The following ADSS2 variants were observed in gnomAD, a reference collection of about 807,000 sequenced individuals.
ADSS2 encodes the protein adenylosuccinate synthase 2.
ADSS2 carries 30 observed loss-of-function variants against 60.0 expected under a neutral mutation model. That is an observed-to-expected ratio of 0.50 (90% confidence interval 0.37 to 0.68). ADSS2 has a LOEUF of 0.68. ADSS2 is among the 30% of genes least tolerant of loss of function. The pLI is 0.00. For missense variants in ADSS2, 373 were observed against 554.8 expected, an observed-to-expected ratio of 0.67 and a Z score of 3.29; for synonymous variants, 187 against 193.1, an observed-to-expected ratio of 0.97 and a Z score of 0.26.
chr1:244,441,484 A>C (rs934324792), intron 1 of ADSS2, among the ~76,000 whole-genome samples: 5 of 152,198 alleles, frequency 3.3e-5, no homozygotes, highest in African/African-American at 1.2e-4. Flanking sequence ...TTTTGAGACA[A>C]CAAATAAGGT....
At chr1:244,421,660 T>A (rs147461267) in intron 7 of ADSS2, among the ~76,000 whole-genome samples, 46 of 152,328 alleles carry the variant, frequency 3.0e-4, no homozygotes, top group African/African-American at 9.4e-4. Context: ...TACTTCCAAG[T>A]TGCTAGTCAA....
chr1:244,412,487 T>G (rs377598255), intron 11 of ADSS2, among the ~76,000 whole-genome samples: 1 of 151,896 alleles, frequency 6.6e-6, no homozygotes, highest in African/African-American at 2.4e-5. Flanking sequence ...GTACATAGAG[T>G]ATGGATAGCC....
chr1:244,427,852 T>C (rs766674077), intron 4 of ADSS2, among the ~76,000 whole-genome samples: 3 of 152,192 alleles, frequency 2.0e-5, no homozygotes, highest in Non-Finnish European at 2.9e-5. Context: ...CAGGGAAACC[T>C]GTTGATCATA....
At chr1:244,434,890 G>T (rs1048791305) in intron 3 of ADSS2, among the ~76,000 whole-genome samples, 1 of 152,018 alleles carries the variant, frequency 6.6e-6, no homozygotes, top group East Asian at 1.9e-4. Flanking sequence ...TGAACAGGGC[G>T]GGGCGCGGTG....
intron 4 of ADSS2, among the ~76,000 whole-genome samples, chr1:244,425,296 G>A (rs992539729): frequency 1.3e-5 from 2 of 152,062 alleles, no homozygotes; most frequent in Admixed American, 1.3e-4. Context: ...AGCTTTATGG[G>A]AATATAATTT....
intron 12 of ADSS2, 106 bp downstream of exon 12, chr1:244,411,181 A>G (rs1664404785): frequency 1.7e-6 from 2 of 1,172,390 alleles, no homozygotes; most frequent in African/African-American, 3.1e-5. Flanking sequence ...AGATCCCGCC[A>G]CTGCACTCCA....
chr1:244,425,062 C>T (rs1308587595), intron 4 of ADSS2: 1 of 152,386 alleles, frequency 6.6e-6, no homozygotes, highest in East Asian at 1.9e-4. Flanking sequence ...TGAAATATTG[C>T]CTCTTTCTAC....
chr1:244,436,685 T>G lies in ADSS2; in HGVS notation c.355+140A>C. Reference sequence around the variant, plus strand: ...AAACACTGTTTATAATGAATAAAACTTAATAACTGACATTAAAAATTCGTC... The same window carrying G: ...AAACACTGTTTATAATGAATAAAACGTAATAACTGACATTAAAAATTCGTC... On this transcript the variant is annotated intron_variant, in intron 3 of 12. Coordinates refer to ENST00000366535, the MANE Select transcript of ADSS2 (RefSeq NM_001126.5). The G allele has an allele frequency of 6.5e-6, 4 of 614,364 alleles. No homozygotes were observed. In the South Asian group the frequency reaches 9.9e-5, roughly 15 times the overall value. The allele number at this position is 614,364 out of a possible 1,614,324, so 38.1% of individuals were successfully genotyped here.
chr1:244,416,357 A>G (rs187845465), intron 10 of ADSS2, among the ~76,000 whole-genome samples: 1 of 152,226 alleles, frequency 6.6e-6, no homozygotes, highest in African/African-American at 2.4e-5. Context: ...TCGCTTTGTC[A>G]CCCAGGCTGG....
chr1:244,443,783 G>A (rs1464465770), intron 1 of ADSS2, among the ~76,000 whole-genome samples: 1 of 152,204 alleles, frequency 6.6e-6, no homozygotes, highest in Non-Finnish European at 1.5e-5. Flanking sequence ...CCTAGGCACG[G>A]AAAGGTTTAG....
chr1:244,422,664 C>T (rs968687506), intron 7 of ADSS2, among the ~76,000 whole-genome samples, 171 bp downstream of exon 7: 1 of 152,192 alleles, frequency 6.6e-6, no homozygotes, highest in African/African-American at 2.4e-5. Flanking sequence ...CTGCTCCCTA[C>T]TCAATATTTT....
At chr1:244,422,379 C>T (rs1664698205) in intron 7 of ADSS2, among the ~76,000 whole-genome samples, 1 of 152,212 alleles carries the variant, frequency 6.6e-6, no homozygotes, top group African/African-American at 2.4e-5. Flanking sequence ...GGTCAATTAC[C>T]TTATTTGTCT....
rs961678939 is a variant in ADSS2 at position 244,409,695 on chromosome 1, T to C, written c.1319-57A>G. 5.7e-6 allele frequency: 8 copies of C among 1,410,896 alleles called. No individual in the cohort carries two copies. The South Asian group carries it at 7.1e-5, about 12-fold the overall frequency. 87.4% of individuals were successfully genotyped at this position (1,410,896 alleles called of 1,614,324 possible). A position where few individuals can be genotyped will look rare whatever the true frequency, so the allele number is the denominator to read the frequency against. On this transcript the variant is annotated intron_variant, in intron 12 of 12. Coordinates refer to ENST00000366535, the MANE Select transcript of ADSS2 (RefSeq NM_001126.5). ...TCAATTCATCTCTAATGTTCACTCG[T>C]TGGGATTAAAACAGGTAGTCCCCTA...
At position 244,451,579 on chromosome 1, in the gene ADSS2, G is replaced by T; in HGVS notation, c.183+56C>A. On this transcript the variant is annotated intron_variant, in intron 1 of 12. Transcript: ENST00000366535. This position sits in a 1 kb window ranked among gnomAD's most constrained non-coding sequence, Gnocchi z 6.6. ...GGGTCCGAGTTCCCGGGCACCAGGA[G>T]CCAGGCAGCCCGAGCTCCCGGGCCC... is the stretch of plus-strand genomic sequence containing the variant. The T allele has an allele frequency of 6.5e-7, 1 of 1,532,946 alleles. No homozygotes were observed. The highest frequency in any genetic ancestry group is 8.8e-7 in the Non-Finnish European group (1 of 1,140,646). The allele number at this position is 1,532,946 out of a possible 1,614,324, so 95.0% of individuals were successfully genotyped here. A position where few individuals can be genotyped will look rare whatever the true frequency, so the allele number is the denominator to read the frequency against.
intron 11 of ADSS2, among the ~76,000 whole-genome samples, chr1:244,412,911 T>G (rs1220585357): frequency 6.6e-6 from 1 of 152,204 alleles, no homozygotes; most frequent in Non-Finnish European, 1.5e-5. Flanking sequence ...TGCAGAGGCC[T>G]CTGTCTTGCA....
chr1:244,437,563 C>A, intron 2 of ADSS2, 103 bp downstream of exon 2: 1 of 808,922 alleles, frequency 1.2e-6, no homozygotes, highest in Admixed American at 2.1e-5. Flanking sequence ...GATCAATGAA[C>A]CATCTGGTCA....
Position 244,436,900 on chromosome 1 carries a change from G to A in ADSS2, c.287-7C>T. ...TGAATTACCACACCATTTCCTAAAG[G>A]AAAACCAACAAATCCCAACGGTAAA... On this transcript the variant is annotated splice_polypyrimidine_tract_variant and splice_region_variant and intron_variant, in intron 2 of 12. Coordinates refer to ENST00000366535, the MANE Select transcript of ADSS2 (RefSeq NM_001126.5). 1 of 1,609,062 alleles carries A rather than the reference G, an allele frequency of 6.2e-7. No individual in the cohort carries two copies. Among genetic ancestry groups the A allele is most frequent in the Non-Finnish European group, 8.5e-7 (1 of 1,177,368 alleles).
rs1664338695 is a variant in ADSS2, at chr1:244,408,639, T to C, written c.*947A>G. The C allele has an allele frequency of 6.6e-6, 1 of 152,506 alleles. No individual in the cohort carries two copies. Among genetic ancestry groups the C allele is most frequent in the Non-Finnish European group, 1.5e-5 (1 of 68,018 alleles). 9.4% of individuals were successfully genotyped at this position (152,506 alleles called of 1,614,324 possible). On this transcript the variant is annotated 3_prime_UTR_variant, in exon 13 of 13. Transcript: ENST00000366535. ...CCTAATTGTCAAAATAACACCTTTT[T>C]TTTTTCAAGAAAGGAGAAATAAAGG... is the stretch of plus-strand genomic sequence containing the variant.
intron 3 of ADSS2, 74 bp downstream of exon 3, chr1:244,436,751 G>A (rs1665111039): frequency 7.7e-7 from 1 of 1,298,674 alleles, no homozygotes; most frequent in Non-Finnish European, 1.1e-6. Context: ...CAAACATGTT[G>A]TTCGTCTGGC....
Sources: allele counts gnomAD v4.1 joint callset (sites outside exome capture counted in the v4.1 genomes callset), GRCh38; gene constraint gnomAD v4.1.1; non-coding constraint Gnocchi (gnomAD v3.1); transcripts MANE v1.5; gene names NCBI Gene and HGNC (gene_info 2026-07-23, HGNC 2026-07-21).